The following JMJD1C variants were observed in gnomAD, a reference collection of about 807,000 sequenced individuals.
JMJD1C encodes the protein jumonji domain containing 1C, also known as jumonji domain-containing protein 1C.
In JMJD1C, 31 loss-of-function variants were observed where a neutral mutation model predicts 245.3. The observed-to-expected ratio is 0.13, with a 90% confidence interval of 0.09 to 0.17. The LOEUF (loss-of-function observed/expected upper bound fraction) is 0.17. JMJD1C is among the 10% of genes least tolerant of loss of function. The pLI, the probability that JMJD1C is intolerant of heterozygous loss-of-function variation, is 1.00. For synonymous variants in JMJD1C, 1,057 were observed against 1,017.4 expected, an observed-to-expected ratio of 1.04 and a Z score of -0.74; for missense variants, 2,691 against 3,000.2, an observed-to-expected ratio of 0.90 and a Z score of 2.41.
At chr10:63,374,663 T>C (rs756956818) in intron 2 of JMJD1C, among the ~76,000 whole-genome samples, 1 of 152,216 alleles carries the variant, frequency 6.6e-6, no homozygotes, top group Admixed American at 6.5e-5. Flanking sequence ...CAGTTGCTTA[T>C]AATGCTCCCT....
In JMJD1C at chr10:63,215,652, G is replaced by A. The variant is rs1443257274; in HGVS notation, c.723C>T (p.Thr241=). Residue 241 remains threonine (T), a synonymous_variant, in exon 6 of 26, where the codon ACC becomes ACT. Coordinates refer to ENST00000399262, the MANE Select transcript of JMJD1C (RefSeq NM_032776.3). The part of the protein sequence containing the change: ...QNVDPSMVQM[T]FLDDVVHSLL... ...AAGAGTGAACAACATCATCTAGAAAGGTCATTTGAACCATAGAAGGATCGA... is the reference window on the plus strand; with the variant it reads ...AAGAGTGAACAACATCATCTAGAAAAGTCATTTGAACCATAGAAGGATCGA... 6.2e-7 allele frequency: 1 copy of A among 1,605,612 alleles called. No homozygotes were observed. Among genetic ancestry groups the A allele is most frequent in the African/African-American group, 1.3e-5 (1 of 74,750 alleles).
At chr10:63,293,633 G>C (rs1859036240) in intron 2 of JMJD1C, among the ~76,000 whole-genome samples, 1 of 151,896 alleles carries the variant, frequency 6.6e-6, no homozygotes, top group South Asian at 2.1e-4. Flanking sequence ...GCATTCCTTT[G>C]AAACTCCTCT....
At chr10:63,229,541 C>T (rs1308108395) in intron 3 of JMJD1C, among the ~76,000 whole-genome samples, 2 of 151,898 alleles carry the variant, frequency 1.3e-5, no homozygotes, top group Non-Finnish European at 2.9e-5. Flanking sequence ...CTTAGTCTTT[C>T]TAAATTATTT....
At chr10:63,322,386 G>A (rs1940977445) in intron 2 of JMJD1C, among the ~76,000 whole-genome samples, 2 of 152,098 alleles carry the variant, frequency 1.3e-5, no homozygotes, top group African/African-American at 2.4e-5. Context: ...AGTATATTAT[G>A]AGCGCAAGAG....
intron 2 of JMJD1C, among the ~76,000 whole-genome samples, chr10:63,352,206 T>C (rs972147385): frequency 1.3e-5 from 2 of 152,046 alleles, no homozygotes; most frequent in Non-Finnish European, 2.9e-5. Flanking sequence ...TAGAAATACG[T>C]TTAGAAACAA....
rs988907467 is a variant in JMJD1C at position 63,465,417 on chromosome 10, G to C, written c.168+78C>G. 10 of 1,392,350 alleles carry C rather than the reference G, an allele frequency of 7.2e-6. No individual in the cohort carries two copies. In the African/African-American group the frequency reaches 1.3e-4, roughly 18 times the overall value. 86.2% of individuals were successfully genotyped at this position (1,392,350 alleles called of 1,614,324 possible). On this transcript the variant is annotated intron_variant, in intron 1 of 25. Transcript: ENST00000399262. ...GTTGGCCGGGCTGAGCGAGGCGCCA[G>C]AGGGAAGCCTGCAAGGTACGTCTGC...
rs142275786 is a variant in JMJD1C at position 63,461,846 on chromosome 10, A to G, written c.168+3649T>C. On this transcript the variant is annotated intron_variant, in intron 1 of 25. Coordinates refer to ENST00000399262, the MANE Select transcript of JMJD1C (RefSeq NM_032776.3). ...TGAATGGATGGATAGATAAGCAAAT[A>G]AATAAATCACTGAGATCATAAATGG... 6.7e-4 allele frequency among the ~76,000 whole-genome samples: 102 copies of G among 152,322 alleles called. 1 individual carries two copies. The highest frequency in any genetic ancestry group is 2.3e-3 in the African/African-American group (96 of 41,586).
intron 2 of JMJD1C, among the ~76,000 whole-genome samples, chr10:63,364,182 A>G (rs1945653205): frequency 6.6e-6 from 1 of 151,502 alleles, no homozygotes; most frequent in African/African-American, 2.4e-5. Flanking sequence ...TTAATTTTTA[A>G]CTTTTATGTA....
At chr10:63,389,304 CCT>C (rs1306253055) in intron 1 of JMJD1C, among the ~76,000 whole-genome samples, 1 of 136,854 alleles carries the variant, frequency 7.3e-6, no homozygotes, top group African/African-American at 2.7e-5. Flanking sequence ...AAAGTGAGAC[CCT>C]GTCTCAAAAA....
intron 1 of JMJD1C, among the ~76,000 whole-genome samples, chr10:63,426,500 G>A (rs772844915): frequency 2.6e-5 from 4 of 152,108 alleles, no homozygotes; most frequent in Non-Finnish European, 4.4e-5. Flanking sequence ...GTGAAACCCC[G>A]TCTCTACTGA....
intron 1 of JMJD1C, among the ~76,000 whole-genome samples, chr10:63,388,631 CAAG>C (rs757145362): frequency 1.8e-4 from 27 of 151,920 alleles, no homozygotes; most frequent in Non-Finnish European, 3.5e-4. Flanking sequence ...ACAATGTTAA[CAAG>C]AAGAGAGAAA....
intron 24 of JMJD1C, among the ~76,000 whole-genome samples, chr10:63,175,809 C>G (rs1842816478): frequency 6.6e-6 from 1 of 152,106 alleles, no homozygotes; most frequent in South Asian, 2.1e-4. Flanking sequence ...TTTCCCGGTG[C>G]TGGAAAAATT....
intron 1 of JMJD1C, among the ~76,000 whole-genome samples, chr10:63,431,346 A>C (rs920007788): frequency 4.6e-5 from 7 of 152,238 alleles, no homozygotes; most frequent in African/African-American, 1.7e-4. Flanking sequence ...AGAAATATGT[A>C]AGAATGACAT....
At chr10:63,513,947 C>A (rs1171453435) in intron 1 of JMJD1C, among the ~76,000 whole-genome samples, 1 of 150,936 alleles carries the variant, frequency 6.6e-6, no homozygotes, top group Non-Finnish European at 1.5e-5. Context: ...AATAAAATAA[C>A]CCCATTTAAA....
intron 1 of JMJD1C, among the ~76,000 whole-genome samples, chr10:63,492,310 C>G (rs1216179494): frequency 6.6e-6 from 1 of 152,138 alleles, no homozygotes. Context: ...CTGATATGAA[C>G]AAAGTTTGAT....
chr10:63,292,143 G>GTTTTTTT (rs1396774570), intron 2 of JMJD1C, among the ~76,000 whole-genome samples: 1 of 13,516 alleles, frequency 7.4e-5, no homozygotes. Context: ...TGTAGAGACA[G>GTTTTTTT]ATTTTTTTTT....
At position 63,465,699 on chromosome 10, in the gene JMJD1C, T is replaced by G; in HGVS notation, c.-37A>C. 7.5e-6 allele frequency: 12 copies of G among 1,601,964 alleles called. No homozygotes were observed. Among genetic ancestry groups the G allele is most frequent in the Non-Finnish European group, 9.3e-6 (11 of 1,178,920 alleles). ...CCGAAGCGGCCGCTGCCTCCTCCAGTGCGAGGGAACCGATGAAACCTCACT... is the reference window on the plus strand; with the variant it reads ...CCGAAGCGGCCGCTGCCTCCTCCAGGGCGAGGGAACCGATGAAACCTCACT... On this transcript the variant is annotated 5_prime_UTR_variant, in exon 1 of 26. Coordinates refer to ENST00000399262, the MANE Select transcript of JMJD1C (RefSeq NM_032776.3).
intron 2 of JMJD1C, among the ~76,000 whole-genome samples, chr10:63,299,933 A>AATG (rs898553446): frequency 1.3e-5 from 2 of 152,010 alleles, no homozygotes; most frequent in African/African-American, 2.4e-5. Flanking sequence ...TGTCACTTAT[A>AATG]ATGATGATGA....
intron 1 of JMJD1C, among the ~76,000 whole-genome samples, chr10:63,460,635 T>C (rs1046958269): frequency 2.0e-5 from 3 of 152,184 alleles, no homozygotes. Context: ...AAGTAAATGC[T>C]AGGTACGGTA....
Sources: gnomAD v4.1 joint callset for allele counts (sites outside exome capture counted in the v4.1 genomes callset) on GRCh38, gnomAD v4.1.1 for gene constraint, MANE v1.5 for transcripts, NCBI Gene and HGNC (gene_info 2026-07-23, HGNC 2026-07-21) for gene names.